Variants in TUT7 observed in about 807,000 individuals in gnomAD.
TUT7 encodes terminal uridylyltransferase 7.
A neutral mutation model predicts 165.9 loss-of-function variants in TUT7; 33 were observed. The observed-to-expected ratio is 0.20, with a 90% CI of 0.15 to 0.27. The LOEUF (loss-of-function observed/expected upper bound fraction) is 0.27. Ranked by LOEUF, TUT7 falls within the 10% of genes least tolerant of loss-of-function variation. The pLI, the probability that TUT7 is intolerant of heterozygous loss-of-function variation, is 1.00. For missense variants in TUT7, 1,338 were observed against 1,762.3 expected, an observed-to-expected ratio of 0.76 and a Z score of 4.31; for synonymous variants, 552 against 608.1, an observed-to-expected ratio of 0.91 and a Z score of 1.36.
chr9:86,351,177 T>C (rs791222), intron 2 of TUT7, among the ~76,000 whole-genome samples: 37,089 of 150,652 alleles, frequency 0.25, 6,127 homozygotes, highest in Non-Finnish European at 0.35. Flanking sequence ...GGCTCACGCC[T>C]GTAATCCCAG....
At chr9:86,338,793 T>G in intron 9 of TUT7, 30 bp downstream of exon 9, 1 of 1,554,774 alleles carries the variant, frequency 6.4e-7, no homozygotes, top group South Asian at 1.2e-5. Context: ...ATATGTAGAA[T>G]GTATTCATGC....
In TUT7 at chr9:86,301,508, G is replaced by C; in HGVS notation, c.4188C>G (p.Asn1396Lys). The change falls in exon 26 of 27, where the codon AAC (asparagine) becomes AAG (lysine). Residue 1396 changes from asparagine to lysine, a missense_variant. Physicochemically the swap from Asn to Lys is moderately conservative, Grantham distance 94 (BLOSUM62 0). This residue lies in a region of TUT7 where 167 missense variants were observed against 204.9 expected (regional missense o/e 0.82). Transcript: ENST00000375963. Reference protein sequence around the residue: ...KRSKEDKEIHNKYTEREVSTK... With the variant: ...KRSKEDKEIHKKYTEREVSTK... ...TTGACACCTCCCTTTCTGTGTACTT[G>C]TTGTGAATTTCTTTGTCCTCTTTGC... The C allele has an allele frequency of 6.2e-7, 1 of 1,613,876 alleles. No homozygotes were observed. The highest frequency in any genetic ancestry group is 1.6e-4 in the Middle Eastern group (1 of 6,062).
chr9:86,314,153 CAG>C (rs951942104), intron 17 of TUT7, among the ~76,000 whole-genome samples: 19 of 152,130 alleles, frequency 1.2e-4, no homozygotes, highest in Non-Finnish European at 1.9e-4. Flanking sequence ...AATTTAAAAT[CAG>C]AGTCTGATTC....
intron 11 of TUT7, among the ~76,000 whole-genome samples, chr9:86,326,938 A>T (rs1246342652): frequency 6.6e-6 from 1 of 152,220 alleles, no homozygotes; most frequent in East Asian, 1.9e-4. Context: ...ATTCACACTG[A>T]AAAAAGTAAT....
intron 24 of TUT7, among the ~76,000 whole-genome samples, chr9:86,304,454 C>T (rs1038638460): frequency 1.3e-5 from 2 of 152,120 alleles, no homozygotes; most frequent in African/African-American, 4.8e-5. Context: ...CCCCCTAGTC[C>T]CAGCAAAAGA....
intron 8 of TUT7, among the ~76,000 whole-genome samples, chr9:86,339,684 C>A (rs1831165673): frequency 6.6e-6 from 1 of 152,072 alleles, no homozygotes; most frequent in Admixed American, 6.6e-5. Flanking sequence ...AGAGATAAAC[C>A]AGAGAGGTCA....
At chr9:86,293,545 GA>G (rs758277979) in intron 26 of TUT7, among the ~76,000 whole-genome samples, 1 of 152,068 alleles carries the variant, frequency 6.6e-6, no homozygotes, top group Non-Finnish European at 1.5e-5. Flanking sequence ...GGTGTAAAAT[GA>G]AAAAAGACTA....
At chr9:86,320,625 T>C (rs968372145) in intron 14 of TUT7, among the ~76,000 whole-genome samples, 27 of 152,340 alleles carry the variant, frequency 1.8e-4, no homozygotes, top group African/African-American at 6.3e-4. Context: ...CTTCTGGTGA[T>C]GAAATATTAT....
chr9:86,289,636 T>A (rs1825767244), intron 26 of TUT7, among the ~76,000 whole-genome samples: 1 of 151,922 alleles, frequency 6.6e-6, no homozygotes, highest in African/African-American at 2.4e-5. Context: ...AATGAACTTG[T>A]AAGTCACCAG....
At chr9:86,347,383 A>G (rs994491118) in intron 2 of TUT7, among the ~76,000 whole-genome samples, 8 of 152,234 alleles carry the variant, frequency 5.3e-5, no homozygotes, top group Non-Finnish European at 1.2e-4. Context: ...TTGATAACTT[A>G]TATCGAGTTT....
chr9:86,322,514 T>C (rs775611412), intron 13 of TUT7, 39 bp from the exon 14 acceptor site: 2 of 1,576,414 alleles, frequency 1.3e-6, no homozygotes, highest in Non-Finnish European at 8.6e-7. Context: ...ACTTAACACT[T>C]TATTTGCCAA....
chr9:86,299,705 C>T (rs2131294392), intron 26 of TUT7, among the ~76,000 whole-genome samples: 1 of 151,816 alleles, frequency 6.6e-6, no homozygotes, highest in South Asian at 2.1e-4. Flanking sequence ...ATTGGTCTAA[C>T]TGTTGTGAGA....
chr9:86,339,075 TA>T, intron 8 of TUT7, 126 bp from the exon 9 acceptor site: 1 of 900,600 alleles, frequency 1.1e-6, no homozygotes, highest in Non-Finnish European at 1.5e-6. Flanking sequence ...ATAAAAAGCT[TA>T]AAAGTGAAAA....
At chr9:86,339,789 C>T (rs2274867) in intron 8 of TUT7, among the ~76,000 whole-genome samples, 36,423 of 152,010 alleles carry the variant, frequency 0.24, 4,646 homozygotes, top group East Asian at 0.48. Context: ...TGTTTTTTAA[C>T]GAGTTGAAAT....
At chr9:86,329,945 T>C (rs1162290840) in intron 10 of TUT7, among the ~76,000 whole-genome samples, 2 of 152,218 alleles carry the variant, frequency 1.3e-5, no homozygotes, top group African/African-American at 4.8e-5. Flanking sequence ...TCTGTCCTCC[T>C]TACCCTGGTT....
chr9:86,338,700 T>G lies in TUT7; in HGVS notation c.1335+123A>C, dbSNP rs989506869. 8.0e-6 allele frequency: 9 copies of G among 1,125,460 alleles called. 1 individual carries two copies. In the Middle Eastern group the frequency reaches 8.4e-4, roughly 105 times the overall value. The allele number at this position is 1,125,460 out of a possible 1,614,324, so 69.7% of individuals were successfully genotyped here. A position where few individuals can be genotyped will look rare whatever the true frequency, so the allele number is the denominator to read the frequency against. ...GTACGTTTCTGTTGCAAAATTCAGA[T>G]GTCTTTCTCTTTTGATGTCTATAAA... is the stretch of plus-strand genomic sequence containing the variant. On this transcript the variant is annotated intron_variant, in intron 9 of 26. Coordinates refer to ENST00000375963, the MANE Select transcript of TUT7 (RefSeq NM_024617.4).
chr9:86,340,121 GA>G lies in TUT7; in HGVS notation c.1139-17del. The G allele has an allele frequency of 6.2e-7, 1 of 1,606,226 alleles. No individual in the cohort carries two copies. Among genetic ancestry groups the G allele is most frequent in the African/African-American group, 1.3e-5 (1 of 74,822 alleles). ...ATAAAGGAGTCTGAGGAAAGAAGAAGAAAAATATTAAGTTGGTTAATTAAAG... is the reference window on the plus strand; with the variant it reads ...ATAAAGGAGTCTGAGGAAAGAAGAAGAAAATATTAAGTTGGTTAATTAAAG... On this transcript the variant is annotated splice_polypyrimidine_tract_variant and intron_variant, in intron 7 of 26. Transcript: ENST00000375963.
intron 8 of TUT7, 94 bp from the exon 9 acceptor site, chr9:86,339,043 A>G (rs1160332029): frequency 1.8e-6 from 2 of 1,116,532 alleles, no homozygotes; most frequent in Admixed American, 3.7e-5. Context: ...ACTAATATAC[A>G]TGCATAATAA....
At chr9:86,300,277 T>G (rs1826757000) in intron 26 of TUT7, among the ~76,000 whole-genome samples, 1 of 152,186 alleles carries the variant, frequency 6.6e-6, no homozygotes, top group African/African-American at 2.4e-5. Flanking sequence ...TAAAAAAAGA[T>G]ACACTATATT....
Sources: gnomAD v4.1 joint callset for allele counts (sites outside exome capture counted in the v4.1 genomes callset) on GRCh38, gnomAD v4.1.1 for gene constraint, gnomAD v4.1.1 regional missense constraint, MANE v1.5 for transcripts, NCBI Gene and HGNC (gene_info 2026-07-23, HGNC 2026-07-21) for gene names.